HSPA8: variants seen among roughly 807,000 people sequenced by gnomAD.
HSPA8 encodes the protein heat shock cognate 71 kDa protein.
A neutral mutation model predicts 52.8 loss-of-function variants in HSPA8; 2 were observed. The observed-to-expected ratio is 0.04, with a 90% CI of 0.02 to 0.12. HSPA8 has a LOEUF of 0.12. Among genes scored for constraint, HSPA8 ranks in the 10% least tolerant of loss-of-function variants. HSPA8 has a pLI of 1.00. For missense variants in HSPA8, 349 were observed against 800.5 expected (o/e 0.44, Z 6.81); for synonymous variants, 436 against 274.0 (o/e 1.59, Z -5.84).
intron 5 of HSPA8, 68 bp from the exon 6 acceptor site, chr11:123,059,329 T>C: frequency 1.4e-6 from 2 of 1,433,150 alleles, no homozygotes; most frequent in South Asian, 1.2e-5. Flanking sequence ...CTGTTTTAAC[T>C]ATCACTCGCT....
chr11:123,058,561 G>T lies in HSPA8; in HGVS notation c.1522+71C>A, dbSNP rs778821670. 6 of 1,559,766 alleles carry T rather than the reference G, an allele frequency of 3.8e-6. No homozygotes were observed. The East Asian group carries it at 1.1e-4, about 29-fold the overall frequency. On this transcript the variant is annotated intron_variant, in intron 7 of 8. Coordinates refer to ENST00000534624, the MANE Select transcript of HSPA8 (RefSeq NM_006597.6). ...TAACTCTAGTTTCTCTTAGCTAGACGCCCTTAGGCACCAGTAACTCAATTG... is the reference window on the plus strand; with the variant it reads ...TAACTCTAGTTTCTCTTAGCTAGACTCCCTTAGGCACCAGTAACTCAATTG...
chr11:123,058,931 A>T, intron 6 of HSPA8, 101 bp from the exon 7 acceptor site: 3 of 1,389,310 alleles, frequency 2.2e-6, no homozygotes, highest in Non-Finnish European at 3.0e-6. Context: ...CCAAGGAAGG[A>T]ACTGGCCAAC....
intron 3 of HSPA8, 52 bp downstream of exon 3, chr11:123,060,541 T>TC: frequency 7.2e-7 from 1 of 1,380,212 alleles, no homozygotes; most frequent in South Asian, 1.2e-5. Flanking sequence ...CCGGGAGTCA[T>TC]CGGGCTTTTA....
At chr11:123,059,328 C>T (rs1211321706) in intron 5 of HSPA8, 67 bp from the exon 6 acceptor site, 2 of 1,431,292 alleles carry the variant, frequency 1.4e-6, no homozygotes, top group Non-Finnish European at 2.0e-6. Flanking sequence ...CCTGTTTTAA[C>T]TATCACTCGC....
chr11:123,058,918 C>T lies in HSPA8; in HGVS notation c.1324-88G>A. 4 of 1,409,442 alleles carry T rather than the reference C, an allele frequency of 2.8e-6. No homozygotes were observed. In the East Asian group the frequency reaches 6.9e-5, roughly 24 times the overall value. The allele number at this position is 1,409,442 out of a possible 1,614,324, so 87.3% of individuals were successfully genotyped here. A position where few individuals can be genotyped will look rare whatever the true frequency, so the allele number is the denominator to read the frequency against. On this transcript the variant is annotated intron_variant, in intron 6 of 8. Transcript: ENST00000534624. ...TGCTAAGGAAGAATGGTCGCTCAAA[C>T]ATCCAAGGAAGGAACTGGCCAACAT...
intron 6 of HSPA8, 69 bp from the exon 7 acceptor site, chr11:123,058,899 G>T: frequency 6.7e-7 from 1 of 1,494,966 alleles, no homozygotes; most frequent in Admixed American, 1.7e-5. Context: ...GTCCTGCTAA[G>T]GAAGAATGGT....
Position 123,058,836 on chromosome 11 carries a change from T to A in HSPA8, c.1324-6A>T. ...GCACGCTCGCCTTCATAAACCTTGG[T>A]AGGAAATAAAACAAATTACTACAAT... On this transcript the variant is annotated splice_polypyrimidine_tract_variant and splice_region_variant and intron_variant, in intron 6 of 8. Transcript: ENST00000534624. 3 of 1,613,816 alleles carry A rather than the reference T, an allele frequency of 1.9e-6. No homozygotes were observed. The highest frequency in any genetic ancestry group is 2.5e-6 in the Non-Finnish European group (3 of 1,179,780).
chr11:123,061,409 GA>G, intron 1 of HSPA8, 80 bp from the exon 2 acceptor site: 4 of 1,136,452 alleles, frequency 3.5e-6, no homozygotes, highest in Non-Finnish European at 2.6e-6. Context: ...ACTTAACCAG[GA>G]AAAACGTATG....
chr11:123,058,980 T>C, intron 6 of HSPA8, 79 bp downstream of exon 6: 1 of 1,437,688 alleles, frequency 7.0e-7, no homozygotes, highest in East Asian at 2.3e-5. Flanking sequence ...GGTTTTGGAA[T>C]CCATCATCAT....
chr11:123,061,667 G>A, intron 1 of HSPA8: 1 of 361,922 alleles, frequency 2.8e-6, no homozygotes, highest in Admixed American at 4.2e-5. Flanking sequence ...AACTACTCCG[G>A]AATGTACCCC....
At position 123,060,033 on chromosome 11, in the gene HSPA8, C is replaced by T; in HGVS notation, c.565-5G>A. The stretch of plus-strand genomic sequence containing the variant: ...CACGTTTCTTTCTGCTCCAACCTGC[C>T]GTTAAAAACAATCTCATTTAAATTT... On this transcript the variant is annotated splice_region_variant and splice_polypyrimidine_tract_variant and intron_variant, in intron 4 of 8. Transcript: ENST00000534624. 3 of 1,613,928 alleles carry T rather than the reference C, an allele frequency of 1.9e-6. No individual in the cohort carries two copies. The highest frequency in any genetic ancestry group is 2.2e-5 in the East Asian group (1 of 44,884).
rs2135444357 is a variant in HSPA8 at position 123,060,193 on chromosome 11, T to C, written c.487A>G (p.Thr163Ala). 6.2e-7 allele frequency: 1 copy of C among 1,614,052 alleles called. No individual in the cohort carries two copies. Among genetic ancestry groups the C allele is most frequent in the Non-Finnish European group, 8.5e-7 (1 of 1,179,978 alleles). Residue 163 changes from threonine (T) to alanine (A), a missense_variant, in exon 4 of 9, where the codon ACT (threonine) becomes GCT (alanine). Thr to Ala is a moderately conservative substitution (Grantham distance 58). Coordinates refer to ENST00000534624, the MANE Select transcript of HSPA8 (RefSeq NM_006597.6). ...CTAAGTACATTGAGACCAGCAATAG[T>C]TCCAGCATCTTTGGTAGCCTGACGC... Reference protein sequence around the residue: ...SQRQATKDAGTIAGLNVLRII... With the variant: ...SQRQATKDAGAIAGLNVLRII...
At chr11:123,061,667 G>T in intron 1 of HSPA8, 1 of 361,924 alleles carries the variant, frequency 2.8e-6, no homozygotes, top group Non-Finnish European at 5.2e-6. Flanking sequence ...AACTACTCCG[G>T]AATGTACCCC....
rs563384300 is a variant in HSPA8 at position 123,061,344 on chromosome 11, A to T, written c.-5-15T>A. On this transcript the variant is annotated splice_polypyrimidine_tract_variant and intron_variant, in intron 1 of 8. Coordinates refer to ENST00000534624, the MANE Select transcript of HSPA8 (RefSeq NM_006597.6). ...GGACATGGTTGCTGAAAAAAAGAAA[A>T]ATCTGGTTTAAAAATTCAATTAATC... The T allele has an allele frequency of 3.5e-5, 56 of 1,592,720 alleles. No homozygotes were observed. The highest frequency in any genetic ancestry group is 3.3e-4 in the Middle Eastern group (2 of 6,004).
Position 123,060,004 on chromosome 11 carries a change from T to C in HSPA8, c.589A>G (p.Ile197Val). The C allele has an allele frequency of 6.2e-7, 1 of 1,613,952 alleles. No homozygotes were observed. Among genetic ancestry groups the C allele is most frequent in the Non-Finnish European group, 8.5e-7 (1 of 1,179,886 alleles). ...AAAGTGCCACCTCCCAGGTCAAAGATGAGCACGTTTCTTTCTGCTCCAACC... is the reference window on the plus strand; with the variant it reads ...AAAGTGCCACCTCCCAGGTCAAAGACGAGCACGTTTCTTTCTGCTCCAACC... ...KKVGAERNVL[I>V]FDLGGGTFDV... Residue 197 changes from isoleucine (I) to valine (V), a missense_variant, in exon 5 of 9, where the codon ATC becomes GTC. Coordinates refer to ENST00000534624, the MANE Select transcript of HSPA8 (RefSeq NM_006597.6).
chr11:123,058,000 A>C, intron 8 of HSPA8, 81 bp from the exon 9 acceptor site: 2 of 1,174,468 alleles, frequency 1.7e-6, no homozygotes, highest in East Asian at 2.4e-5. Context: ...TCTGATACTA[A>C]AAGTCTGGCG....
At chr11:123,058,161 A>C (rs1383807568) in intron 8 of HSPA8, 91 bp downstream of exon 8, 3 of 869,312 alleles carry the variant, frequency 3.5e-6, no homozygotes, top group African/African-American at 3.6e-5. Context: ...CATCATTGTG[A>C]CCCTACACTG....
At chr11:123,060,347 G>C in intron 3 of HSPA8, 79 bp from the exon 4 acceptor site, 3 of 1,374,186 alleles carry the variant, frequency 2.2e-6, no homozygotes, top group Non-Finnish European at 3.1e-6. Flanking sequence ...GATTAATGCT[G>C]GTGAAAGAAC....
intron 1 of HSPA8, chr11:123,061,732 A>C (rs1187041050): frequency 4.9e-6 from 1 of 204,166 alleles, no homozygotes; most frequent in African/African-American, 2.3e-5. Context: ...GACTGGACTA[A>C]GCAGGGAACT....
Sources: gnomAD v4.1 joint callset for allele counts on GRCh38, gnomAD v4.1.1 for gene constraint, MANE v1.5 for transcripts, NCBI Gene and HGNC (gene_info 2026-07-23, HGNC 2026-07-21) for gene names.